ERG: variants seen among roughly 807,000 people sequenced by gnomAD.
ERG encodes the protein ETS transcription factor ERG.
ERG carries 9 observed loss-of-function variants against 55.3 expected under a neutral mutation model. The observed-to-expected ratio is 0.16, with a 90% CI of 0.10 to 0.28. The LOEUF is 0.28. Among genes scored for constraint, ERG ranks in the 10% least tolerant of loss-of-function variants. The pLI, the probability that ERG is intolerant of heterozygous loss-of-function variation, is 1.00. For synonymous variants in ERG, 223 were observed against 237.3 expected, an observed-to-expected ratio of 0.94 and a Z score of 0.55; for missense variants, 434 against 631.6, an observed-to-expected ratio of 0.69 and a Z score of 3.35.
At chr21:38,379,279 G>A (rs1240696320), downstream of ERG, among the ~76,000 whole-genome samples, 1 of 152,212 alleles carries the variant, frequency 6.6e-6, no homozygotes, top group Admixed American at 6.5e-5. Context: ...AAGTTCAAGG[G>A]CCGCAGCCTG....
intron 3 of ERG, among the ~76,000 whole-genome samples, chr21:38,418,927 C>CAAAAAAAAAAA (rs35001409): frequency 4.9e-5 from 4 of 80,900 alleles, no homozygotes; most frequent in African/African-American, 9.1e-5. Context: ...GACTTTGTCT[C>CAAAAAAAAAAA]AAAAAAAAAA....
At chr21:38,586,196 T>C (rs1450727764), upstream of ERG, among the ~76,000 whole-genome samples, 1 of 482 alleles carries the variant, frequency 2.1e-3, no homozygotes, top group African/African-American at 5.8e-3. Flanking sequence ...TATATATATA[T>C]ATATATATAT....
chr21:38,620,240 G>A (rs931334604), intron 1 of ERG, among the ~76,000 whole-genome samples: 3 of 152,190 alleles, frequency 2.0e-5, no homozygotes, highest in African/African-American at 4.8e-5. Flanking sequence ...GCTGGTGTGG[G>A]TTTGGTTTGG....
chr21:38,392,250 T>C, intron 7 of ERG, 126 bp downstream of exon 7: 1 of 809,072 alleles, frequency 1.2e-6, no homozygotes. Flanking sequence ...ACTCTTGTCG[T>C]CAATGGAACA....
intron 2 of ERG, among the ~76,000 whole-genome samples, chr21:38,525,244 C>T (rs905144074): frequency 6.6e-6 from 1 of 152,024 alleles, no homozygotes; most frequent in Non-Finnish European, 1.5e-5. Flanking sequence ...TAGCTGACAC[C>T]CCTCACATCT....
At chr21:38,399,370 A>G (rs1056335887) in intron 6 of ERG, among the ~76,000 whole-genome samples, 2 of 152,182 alleles carry the variant, frequency 1.3e-5, no homozygotes, top group Non-Finnish European at 2.9e-5. Context: ...CTGGGCCCCC[A>G]GTCTTTCTCA....
intron 1 of ERG, among the ~76,000 whole-genome samples, chr21:38,624,063 A>G (rs776416551): frequency 1.3e-5 from 2 of 152,172 alleles, no homozygotes; most frequent in Non-Finnish European, 2.9e-5. Flanking sequence ...CCTTCAGGCT[A>G]TATGTGAAGC....
chr21:38,389,796 A>G (rs773380565), intron 9 of ERG, among the ~76,000 whole-genome samples: 2 of 152,136 alleles, frequency 1.3e-5, no homozygotes, highest in Non-Finnish European at 2.9e-5. Flanking sequence ...ATAATTATTG[A>G]GCACCTAGTC....
rs1209122919 is a variant in ERG, at chr21:38,418,291, G to GTGTGTGTGTGTT, written c.388+5118_388+5119insAACACACACACA. Among the ~76,000 whole-genome samples the GTGTGTGTGTGTT allele has an allele frequency of 2.6e-5, 4 of 151,680 alleles. No individual in the cohort carries two copies. In the East Asian group the frequency reaches 7.8e-4, roughly 29 times the overall value. ...TGGAAGTGTGTGTGTGTGTGTGTGTGTGTGTGTGTGTCTGGGAAAGGGTCT... is the reference window on the plus strand; with the variant it reads ...TGGAAGTGTGTGTGTGTGTGTGTGTGTGTGTGTGTGTTTGTGTGTGTGTCTGGGAAAGGGTCT... On this transcript the variant is annotated intron_variant, in intron 3 of 9. Transcript: ENST00000288319.
chr21:38,631,399 C>T lies in ERG; in HGVS notation c.-150+30259G>A, dbSNP rs958332678. ...ATCAGGAAGAATCAGTAACACTAAA[C>T]GCCCACACGTCTCGTCTCTTTAAAG... On this transcript the variant is annotated intron_variant, in intron 1 of 10. Coordinates refer to the ERG transcript ENST00000398910. Among the ~76,000 whole-genome samples, 10 of 152,014 alleles carry T rather than the reference C, an allele frequency of 6.6e-5. No individual in the cohort carries two copies. The East Asian group carries it at 7.7e-4, about 12-fold the overall frequency.
At position 38,472,530 on chromosome 21, in the gene ERG, C is replaced by T. The variant is rs1353653351; in HGVS notation, c.18+25833G>A. On this transcript the variant is annotated intron_variant, in intron 1 of 9. Transcript: ENST00000288319. ...ATTTGTAACTTCTAAAACTCTAACT[C>T]TCCCCTGAAAACACGTCCTAAGAGT... Among the ~76,000 whole-genome samples, 5 of 152,152 alleles carry T rather than the reference C, an allele frequency of 3.3e-5. No individual in the cohort carries two copies. The East Asian group carries it at 7.7e-4, about 23-fold the overall frequency.
intron 1 of ERG, among the ~76,000 whole-genome samples, chr21:38,614,653 G>A (rs540038155): frequency 3.9e-5 from 6 of 152,358 alleles, no homozygotes; most frequent in East Asian, 1.9e-4. Context: ...GGTTGGGGAC[G>A]AACGGCTTCC....
chr21:38,449,040 G>T (rs1177370132), intron 1 of ERG: 1 of 152,262 alleles, frequency 6.6e-6, no homozygotes, highest in Non-Finnish European at 1.5e-5. Context: ...CTACCTGCCG[G>T]CCAAGGTAGG....
chr21:38,655,952 G>A (rs2060516337), intron 1 of ERG, among the ~76,000 whole-genome samples: 1 of 152,136 alleles, frequency 6.6e-6, no homozygotes, highest in Admixed American at 6.5e-5. Context: ...TTGGAAAACA[G>A]GCTTTCCATG....
chr21:38,623,606 T>C (rs1049230589), intron 1 of ERG, among the ~76,000 whole-genome samples: 2 of 152,134 alleles, frequency 1.3e-5, no homozygotes, highest in Non-Finnish European at 2.9e-5. Flanking sequence ...TCAGAGCTCA[T>C]GTGTGTGTTA....
chr21:38,405,781 C>T (rs1988735330), intron 3 of ERG, among the ~76,000 whole-genome samples: 1 of 152,130 alleles, frequency 6.6e-6, no homozygotes, highest in Admixed American at 6.6e-5. Flanking sequence ...TTCTGAGTTA[C>T]AGGGCACATC....
chr21:38,531,215 G>A (rs1187639368), intron 2 of ERG, among the ~76,000 whole-genome samples: 7 of 151,396 alleles, frequency 4.6e-5, no homozygotes, highest in Admixed American at 3.3e-4. Flanking sequence ...ATGACAAGGC[G>A]TCATTATTCA....
intron 1 of ERG, among the ~76,000 whole-genome samples, chr21:38,604,914 T>G (rs2060187642): frequency 6.6e-6 from 1 of 152,226 alleles, no homozygotes; most frequent in South Asian, 2.1e-4. Context: ...AACCAGAAAG[T>G]GTACTTATTA....
At chr21:38,559,000 G>A (rs369063211) in intron 2 of ERG, among the ~76,000 whole-genome samples, 3 of 152,170 alleles carry the variant, frequency 2.0e-5, no homozygotes, top group South Asian at 4.1e-4. Flanking sequence ...AAGTGATGGC[G>A]ATATGGAGAC....
Sources: allele counts gnomAD v4.1 joint callset (sites outside exome capture counted in the v4.1 genomes callset), GRCh38; gene constraint gnomAD v4.1.1; transcripts MANE v1.5; gene names NCBI Gene and HGNC (gene_info 2026-07-23, HGNC 2026-07-21).